Variants in SNRK observed in about 807,000 individuals in gnomAD.
SNRK encodes the protein SNF related kinase.
SNRK carries 3 observed loss-of-function variants against 48.2 expected under a neutral mutation model. The observed-to-expected ratio is 0.06, with a 90% CI of 0.03 to 0.16. The LOEUF is 0.16. Among genes scored for constraint, SNRK ranks in the 10% least tolerant of loss-of-function variants. The pLI is 1.00. For synonymous variants in SNRK, 376 were observed against 366.1 expected, an observed-to-expected ratio of 1.03 and a Z score of -0.31; for missense variants, 627 against 976.0, an observed-to-expected ratio of 0.64 and a Z score of 4.76.
At chr3:43,286,911 G>A (rs1559456048) in intron 1 of SNRK, among the ~76,000 whole-genome samples, 1 of 145,162 alleles carries the variant, frequency 6.9e-6, no homozygotes, top group Non-Finnish European at 1.5e-5. Flanking sequence ...CGGCGGGGCG[G>A]CGGCGGGGCC....
intron 1 of SNRK, among the ~76,000 whole-genome samples, chr3:43,293,386 T>C (rs13095863): frequency 0.56 from 84,518 of 151,994 alleles, 26,766 homozygotes; most frequent in East Asian, 0.78. Context: ...GAAAAATTGG[T>C]GTATTTCATA....
At chr3:43,339,555 T>C (rs1370926386) in intron 4 of SNRK, among the ~76,000 whole-genome samples, 2 of 151,848 alleles carry the variant, frequency 1.3e-5, no homozygotes, top group Admixed American at 6.6e-5. Context: ...CGGTGGCTCA[T>C]GCCTGTAATC....
chr3:43,347,943 T>C lies in SNRK; in HGVS notation c.1684T>C (p.Tyr562His), dbSNP rs2091290250. ...RRLDKDSGFT[Y>H]SWHRRDSSEG... The stretch of plus-strand genomic sequence containing the variant: ...GCTCGATAAAGATAGCGGGTTCACC[T>C]ACTCCTGGCACCGACGGGATAGCAG... Residue 562 changes from tyrosine (Y) to histidine (H), a missense_variant, in exon 7 of 7, where the codon TAC becomes CAC. By Grantham distance (83) the Tyr-to-His change is moderately conservative. Transcript: ENST00000296088. The surrounding 1 kb of genome is among the most constrained non-coding windows in gnomAD (Gnocchi z 5.4). The C allele has an allele frequency of 1.2e-6, 2 of 1,614,098 alleles. No homozygotes were observed. Among genetic ancestry groups the C allele is most frequent in the Non-Finnish European group, 1.7e-6 (2 of 1,180,020 alleles).
At chr3:43,312,662 T>C (rs2125626421) in intron 3 of SNRK, among the ~76,000 whole-genome samples, 1 of 152,242 alleles carries the variant, frequency 6.6e-6, no homozygotes, top group African/African-American at 2.4e-5. Context: ...AATAAAACTG[T>C]TTCTGCTTCC....
Position 43,347,407 on chromosome 3 carries a change from C to T in SNRK, c.1148C>T (p.Ser383Phe). ...GATGACCTCACGGCCACTCCTTTGT[C>T]CCACGCGACTGTCCCTCAGTCTCCT... ...LEDDLTATPL[S>F]HATVPQSPAR... The change falls in exon 7 of 7, where the codon TCC becomes TTC. Residue 383 changes from serine (S) to phenylalanine (F), a missense_variant. Ser to Phe is a radical substitution (Grantham distance 155, BLOSUM62 -2). Around this residue, in one of 4 missense-constraint regions of SNRK, gnomAD observed 175 missense variants for 209.7 expected, o/e 0.83. Coordinates refer to ENST00000296088, the MANE Select transcript of SNRK (RefSeq NM_017719.5). This position sits in a 1 kb window ranked among gnomAD's most constrained non-coding sequence, Gnocchi z 5.4. 1 of 1,613,156 alleles carries T rather than the reference C, an allele frequency of 6.2e-7. No homozygotes were observed. Among genetic ancestry groups the T allele is most frequent in the Non-Finnish European group, 8.5e-7 (1 of 1,179,494 alleles).
At position 43,347,508 on chromosome 3, in the gene SNRK, C is replaced by T. The variant is rs2091285906; in HGVS notation, c.1249C>T (p.Pro417Ser). Residue 417 changes from proline (P) to serine (S), a missense_variant, in exon 7 of 7, where the codon CCT becomes TCT. Pro to Ser is a moderately conservative substitution (Grantham distance 74, BLOSUM62 -1). This residue lies in a region of SNRK where 175 missense variants were observed against 209.7 expected (regional missense o/e 0.83). Coordinates refer to ENST00000296088, the MANE Select transcript of SNRK (RefSeq NM_017719.5). This position sits in a 1 kb window ranked among gnomAD's most constrained non-coding sequence, Gnocchi z 5.4. ...LCDSAKKDDL[P>S]ELAGPALSTV... is the part of the protein sequence containing the mutation. ...TGACTCAGCTAAGAAAGATGACCTC[C>T]CTGAGTTGGCTGGACCAGCACTCTC... 2 of 1,613,500 alleles carry T rather than the reference C, an allele frequency of 1.2e-6. No individual in the cohort carries two copies. Among genetic ancestry groups the T allele is most frequent in the South Asian group, 1.1e-5 (1 of 91,032 alleles).
intron 6 of SNRK, among the ~76,000 whole-genome samples, chr3:43,346,375 C>A (rs961396957): frequency 1.3e-5 from 2 of 152,000 alleles, no homozygotes; most frequent in African/African-American, 2.4e-5. Context: ...ATGACTATAC[C>A]CCCCTGGGGA....
chr3:43,321,193 G>T (rs991387115), intron 3 of SNRK, among the ~76,000 whole-genome samples: 9 of 152,168 alleles, frequency 5.9e-5, no homozygotes, highest in Admixed American at 5.2e-4. Context: ...GTAGAGGCAA[G>T]AATAGAGAGA....
chr3:43,290,999 G>T (rs1252511729), intron 1 of SNRK, among the ~76,000 whole-genome samples: 1 of 152,172 alleles, frequency 6.6e-6, no homozygotes, highest in Non-Finnish European at 1.5e-5. Context: ...ACACAGTGCT[G>T]TGAGTGAGTA....
chr3:43,316,619 G>A (rs1395136271), intron 3 of SNRK, among the ~76,000 whole-genome samples: 1 of 151,904 alleles, frequency 6.6e-6, no homozygotes, highest in East Asian at 1.9e-4. Context: ...GATAATTGGA[G>A]CTTAATTTTT....
chr3:43,345,609 G>A (rs2091269253), intron 6 of SNRK, among the ~76,000 whole-genome samples: 1 of 152,178 alleles, frequency 6.6e-6, no homozygotes, highest in African/African-American at 2.4e-5. Context: ...AGGTTCTGGA[G>A]TCCAGGGGCA....
In SNRK at chr3:43,336,820, C is replaced by T. The variant is rs547971922; in HGVS notation, c.732-3467C>T. 7.5e-4 allele frequency among the ~76,000 whole-genome samples: 114 copies of T among 151,230 alleles called. 1 individual carries two copies. Among genetic ancestry groups the T allele is most frequent in the African/African-American group, 2.5e-3 (103 of 41,202 alleles). ...AGGCCGGAGTGCAGTGGTGTGATCT[C>T]GGCTTGCTGCAAGCTCTGCCTCCCA... On this transcript the variant is annotated intron_variant, in intron 4 of 6. Transcript: ENST00000296088.
intron 3 of SNRK, among the ~76,000 whole-genome samples, chr3:43,320,688 C>G (rs2091047016): frequency 1.3e-5 from 2 of 151,728 alleles, no homozygotes; most frequent in Admixed American, 1.3e-4. Flanking sequence ...CCAAATTTAC[C>G]TATTTTCAGA....
intron 1 of SNRK, among the ~76,000 whole-genome samples, chr3:43,288,405 T>C (rs1471011629): frequency 6.6e-6 from 1 of 152,206 alleles, no homozygotes; most frequent in African/African-American, 2.4e-5. Flanking sequence ...TTTATTTTTC[T>C]AGACCAGAAG....
chr3:43,340,518 G>A lies in SNRK; in HGVS notation c.944+19G>A, dbSNP rs999467431. The A allele has an allele frequency of 6.2e-7, 1 of 1,604,628 alleles. No homozygotes were observed. Among genetic ancestry groups the A allele is most frequent in the Admixed American group, 1.7e-5 (1 of 59,920 alleles). Reference sequence around the variant, plus strand: ...TTGTAGAGTACGTCAATGCCCGTCAGTACAGAGGGCCACAGGTTTAGGATT... The same window carrying A: ...TTGTAGAGTACGTCAATGCCCGTCAATACAGAGGGCCACAGGTTTAGGATT... On this transcript the variant is annotated intron_variant, in intron 5 of 6. Transcript: ENST00000296088.
chr3:43,345,198 C>T (rs1434069421), intron 6 of SNRK, among the ~76,000 whole-genome samples: 2 of 152,102 alleles, frequency 1.3e-5, no homozygotes, highest in Admixed American at 1.3e-4. Flanking sequence ...ACCTTTTTTT[C>T]TATGGCACAG....
chr3:43,287,064 C>T (rs1473426366), intron 1 of SNRK, among the ~76,000 whole-genome samples: 2 of 150,878 alleles, frequency 1.3e-5, no homozygotes, highest in Admixed American at 1.3e-4. Flanking sequence ...CCCGCGGGGC[C>T]CCGCGCCCTG....
rs554313090 is a variant in SNRK at position 43,304,359 on chromosome 3, ATT to A, written c.589+568_589+569del. Reference sequence around the variant, plus strand: ...TTTCACAGCGACCCGTGGGGTTGTTATTGTCTATCTCATTGTTCAGAATAGGA... The same window carrying A: ...TTTCACAGCGACCCGTGGGGTTGTTAGTCTATCTCATTGTTCAGAATAGGA... On this transcript the variant is annotated intron_variant, in intron 3 of 6. Transcript: ENST00000296088. Among the ~76,000 whole-genome samples the A allele has an allele frequency of 6.6e-5, 10 of 152,168 alleles. No individual in the cohort carries two copies. The East Asian group carries it at 1.7e-3, about 26-fold the overall frequency.
Position 43,348,535 on chromosome 3 carries a change from C to CCAGCTGTTGCCATGTCATCTGACTGTGG in SNRK, c.2278_*7dup. The CCAGCTGTTGCCATGTCATCTGACTGTGG allele has an allele frequency of 3.9e-6, 6 of 1,540,334 alleles. No individual in the cohort carries two copies. Among genetic ancestry groups the CCAGCTGTTGCCATGTCATCTGACTGTGG allele is most frequent in the Non-Finnish European group, 5.2e-6 (6 of 1,146,940 alleles). ...GGGCTGCTGTGCGCATCCAGCCCAGCCAGCTGTTGCCATGTCATCTGACTG... is the reference window on the plus strand; with the variant it reads ...GGGCTGCTGTGCGCATCCAGCCCAGCCAGCTGTTGCCATGTCATCTGACTGTGGCAGCTGTTGCCATGTCATCTGACTG... On this transcript the variant is annotated stop_gained and frameshift_variant, in exon 7 of 7. Coordinates refer to ENST00000296088, the MANE Select transcript of SNRK (RefSeq NM_017719.5). LOFTEE classifies it high-confidence loss of function.
Sources: allele counts gnomAD v4.1 joint callset (sites outside exome capture counted in the v4.1 genomes callset), GRCh38; gene constraint gnomAD v4.1.1; regional missense constraint gnomAD v4.1.1; non-coding constraint Gnocchi (gnomAD v3.1); transcripts MANE v1.5; gene names NCBI Gene and HGNC (gene_info 2026-07-23, HGNC 2026-07-21).